Variants in RORA observed in about 807,000 individuals in gnomAD.
RORA encodes the protein nuclear receptor ROR-alpha.
In RORA, 7 loss-of-function variants were observed where a neutral mutation model predicts 69.5. The ratio of observed to expected loss-of-function variants is 0.10; its 90% CI spans 0.06 to 0.19. The LOEUF (loss-of-function observed/expected upper bound fraction) is 0.19, where lower values mean the gene tolerates loss of function less well. Among genes scored for constraint, RORA ranks in the 10% least tolerant of loss-of-function variants. The pLI, the probability that RORA is intolerant of heterozygous loss-of-function variation, is 1.00. For missense variants in RORA, 457 were observed against 663.0 expected (o/e 0.69, Z 3.41); for synonymous variants, 261 against 240.8 (o/e 1.08, Z -0.78).
At chr15:61,058,065 A>G (rs1048214479) in intron 1 of RORA, among the ~76,000 whole-genome samples, 1 of 152,100 alleles carries the variant, frequency 6.6e-6, no homozygotes, top group African/African-American at 2.4e-5. Flanking sequence ...AGGCTTGAGT[A>G]GTTGGGGAGG....
At position 61,226,649 on chromosome 15, in the gene RORA, T is replaced by A. The variant is rs2080147605; in HGVS notation, c.166+2404A>T. Reference sequence around the variant, plus strand: ...GTACCCCTGAGGAGCAGATGCTACATCTGAGGTTAAAGTCTGCAAATGCAC... The same window carrying A: ...GTACCCCTGAGGAGCAGATGCTACAACTGAGGTTAAAGTCTGCAAATGCAC... On this transcript the variant is annotated intron_variant, in intron 1 of 10. Transcript: ENST00000335670. This position sits in a 1 kb window ranked among gnomAD's most constrained non-coding sequence, Gnocchi z 4.2. Among the ~76,000 whole-genome samples, 1 of 152,240 alleles carries A rather than the reference T, an allele frequency of 6.6e-6. No individual in the cohort carries two copies. The highest frequency in any genetic ancestry group is 6.5e-5 in the Admixed American group (1 of 15,282).
intron 1 of RORA, among the ~76,000 whole-genome samples, chr15:60,724,011 T>TGTACCAAATCTGATAGTGTGCAA (rs1165832104): frequency 6.6e-6 from 1 of 152,170 alleles, no homozygotes; most frequent in Non-Finnish European, 1.5e-5. Context: ...GCTTAGCAAA[T>TGTACCAAATCTGATAGTGTGCAA]GTACCAAATC....
At chr15:60,730,937 C>G (rs1348745113) in intron 1 of RORA, among the ~76,000 whole-genome samples, 1 of 151,540 alleles carries the variant, frequency 6.6e-6, no homozygotes. Flanking sequence ...CAGGGGTACA[C>G]CTGGTTTGTT....
At chr15:60,822,376 C>G (rs568058941) in intron 1 of RORA, among the ~76,000 whole-genome samples, 75 of 152,266 alleles carry the variant, frequency 4.9e-4, no homozygotes, top group Non-Finnish European at 7.8e-4. Context: ...ATGAGCCAGC[C>G]CATTCCCCAC....
chr15:61,050,665 G>A (rs1226708703), intron 1 of RORA, among the ~76,000 whole-genome samples: 5 of 152,212 alleles, frequency 3.3e-5, no homozygotes, highest in Non-Finnish European at 7.3e-5. Context: ...ACAGGGCGCA[G>A]AGTCACAAGA....
At chr15:60,951,490 G>T (rs1323936239) in intron 1 of RORA, among the ~76,000 whole-genome samples, 17 of 151,074 alleles carry the variant, frequency 1.1e-4, no homozygotes, top group East Asian at 3.9e-4. Context: ...AAAAAATTAA[G>T]GAATCCAGGA....
At chr15:61,017,458 T>G (rs922795944) in intron 1 of RORA, among the ~76,000 whole-genome samples, 3 of 152,194 alleles carry the variant, frequency 2.0e-5, no homozygotes, top group African/African-American at 7.2e-5. Context: ...TACATAAACT[T>G]GACTCCAATA....
chr15:60,581,966 T>C (rs1027944952), intron 2 of RORA, among the ~76,000 whole-genome samples: 1 of 152,188 alleles, frequency 6.6e-6, no homozygotes, highest in African/African-American at 2.4e-5. Context: ...GGTTCCTGGC[T>C]TGGAATATTT....
chr15:60,640,131 A>C (rs1251139226), intron 2 of RORA, among the ~76,000 whole-genome samples: 1 of 152,158 alleles, frequency 6.6e-6, no homozygotes, highest in Non-Finnish European at 1.5e-5. Flanking sequence ...GGGTAAAATA[A>C]TATTCCTCTC....
chr15:60,768,012 C>G (rs62002746), intron 1 of RORA, among the ~76,000 whole-genome samples: 119 of 152,312 alleles, frequency 7.8e-4, no homozygotes, highest in Non-Finnish European at 1.4e-3. Context: ...TGCAGGGTGG[C>G]CTATGGGTGG....
intron 1 of RORA, among the ~76,000 whole-genome samples, chr15:60,962,666 C>G (rs1352541545): frequency 6.6e-6 from 1 of 152,208 alleles, no homozygotes; most frequent in Admixed American, 6.5e-5. Flanking sequence ...ACTTGGCAGC[C>G]TGAACACGTC....
intron 1 of RORA, among the ~76,000 whole-genome samples, chr15:61,154,634 G>A (rs1002576828): frequency 4.6e-5 from 7 of 152,194 alleles, no homozygotes; most frequent in Admixed American, 2.0e-4. Context: ...ACTTTACTTC[G>A]TAAATTACAG....
Position 61,175,540 on chromosome 15 carries a change from C to CTAAA in RORA, c.166+53509_166+53512dup, listed in dbSNP as rs199811070. ...TGAGCAACATAGTGAGATCCTGTTT[C>CTAAA]TAAAAAAAAAAAAAAAAAACTTGCC... On this transcript the variant is annotated intron_variant, in intron 1 of 10. Transcript: ENST00000335670. Among the ~76,000 whole-genome samples, 11 of 37,434 alleles carry CTAAA rather than the reference C, an allele frequency of 2.9e-4. 1 individual carries two copies. The highest frequency in any genetic ancestry group is 5.5e-4 in the African/African-American group (8 of 14,658). 24.6% of individuals were successfully genotyped at this position (37,434 alleles called of 152,430 possible).
chr15:60,558,363 G>T, intron 2 of RORA: 1 of 1,123,820 alleles, frequency 8.9e-7, no homozygotes. Context: ...TTAATTAGTT[G>T]GCCACTGCCT....
Position 61,169,107 on chromosome 15 carries a change from C to T in RORA, c.166+59946G>A, listed in dbSNP as rs541461809. Reference sequence around the variant, plus strand: ...CAGAGCATAAGAACACTCCTGAAGGCAGGGCTGGCCTGACTCCTCTGACTG... The same window carrying T: ...CAGAGCATAAGAACACTCCTGAAGGTAGGGCTGGCCTGACTCCTCTGACTG... On this transcript the variant is annotated intron_variant, in intron 1 of 10. Transcript: ENST00000335670. Among the ~76,000 whole-genome samples the T allele has an allele frequency of 4.2e-3, 517 of 123,330 alleles. 2 individuals carry two copies. The highest frequency in any genetic ancestry group is 4.7e-3 in the Non-Finnish European group (242 of 51,180). The allele number at this position is 123,330 out of a possible 152,430, so 80.9% of individuals were successfully genotyped here.
At chr15:61,175,663 G>T (rs1596047746) in intron 1 of RORA, among the ~76,000 whole-genome samples, 1 of 151,680 alleles carries the variant, frequency 6.6e-6, no homozygotes, top group East Asian at 1.9e-4. Context: ...GCTGCAATGA[G>T]CCATAATTGT....
chr15:60,871,026 T>C (rs2140435704), intron 1 of RORA, among the ~76,000 whole-genome samples: 1 of 152,344 alleles, frequency 6.6e-6, no homozygotes, highest in South Asian at 2.1e-4. Flanking sequence ...TTGATACTCA[T>C]GCAAACACAG....
chr15:61,005,350 G>A (rs1474613376), intron 1 of RORA, among the ~76,000 whole-genome samples: 1 of 152,100 alleles, frequency 6.6e-6, no homozygotes, highest in Non-Finnish European at 1.5e-5. Flanking sequence ...CGTGGTGGCA[G>A]GCGCCTGTAA....
At chr15:61,042,627 AGC>A (rs1896834690) in intron 1 of RORA, among the ~76,000 whole-genome samples, 1 of 152,234 alleles carries the variant, frequency 6.6e-6, no homozygotes, top group Non-Finnish European at 1.5e-5. Flanking sequence ...ATTTGTGCTT[AGC>A]TGGCTGAGCG....
Sources: allele counts gnomAD v4.1 joint callset (sites outside exome capture counted in the v4.1 genomes callset), GRCh38; gene constraint gnomAD v4.1.1; non-coding constraint Gnocchi (gnomAD v3.1); transcripts MANE v1.5; gene names NCBI Gene and HGNC (gene_info 2026-07-23, HGNC 2026-07-21).